Variants in PAG1 observed in about 807,000 individuals in gnomAD.
PAG1 encodes the protein phosphoprotein membrane anchor with glycosphingolipid microdomains 1, also known as phosphoprotein associated with glycosphingolipid-enriched microdomains 1.
In PAG1, 23 loss-of-function variants were observed where a neutral mutation model predicts 31.7. That is an observed-to-expected ratio of 0.73 (90% CI 0.52 to 1.03). The LOEUF (loss-of-function observed/expected upper bound fraction) is 1.03, where lower values mean the gene tolerates loss of function less well. Ranked by LOEUF, PAG1 falls within the 50% of genes least tolerant of loss-of-function variation. PAG1 has a pLI of 0.00. For synonymous variants in PAG1, 214 were observed against 210.3 expected, an observed-to-expected ratio of 1.02 and a Z score of -0.15; for missense variants, 473 against 540.7, an observed-to-expected ratio of 0.87 and a Z score of 1.24.
chr8:81,101,686 G>A (rs1182685892), intron 1 of PAG1, among the ~76,000 whole-genome samples: 1 of 152,118 alleles, frequency 6.6e-6, no homozygotes, highest in East Asian at 1.9e-4. Context: ...TATTAAGCAT[G>A]TAATTCCTAA....
At chr8:80,978,546 T>C (rs565093369) in intron 8 of PAG1, among the ~76,000 whole-genome samples, 1 of 152,328 alleles carries the variant, frequency 6.6e-6, no homozygotes, top group Admixed American at 6.5e-5. Flanking sequence ...ATTGTAACAA[T>C]GAGAGTCAGC....
intron 1 of PAG1, among the ~76,000 whole-genome samples, chr8:81,108,437 T>C (rs1257383433): frequency 6.6e-6 from 1 of 152,196 alleles, no homozygotes; most frequent in Non-Finnish European, 1.5e-5. Context: ...AGTTTTGATT[T>C]TTTTTTTAAA....
chr8:81,042,535 G>A (rs1476555507), intron 2 of PAG1, among the ~76,000 whole-genome samples: 1 of 152,022 alleles, frequency 6.6e-6, no homozygotes, highest in African/African-American at 2.4e-5. Flanking sequence ...ATTTGGAGGT[G>A]CTTATCTGAT....
At chr8:81,069,382 G>C (rs1809058584) in intron 2 of PAG1, among the ~76,000 whole-genome samples, 2 of 152,202 alleles carry the variant, frequency 1.3e-5, no homozygotes, top group Admixed American at 1.3e-4. Context: ...GAGTCGGGCA[G>C]GCCATAACAC....
At chr8:81,052,117 G>A (rs1264124451) in intron 2 of PAG1, among the ~76,000 whole-genome samples, 19 of 146,008 alleles carry the variant, frequency 1.3e-4, no homozygotes, top group East Asian at 2.0e-4. Context: ...GCGACAGAGC[G>A]AGACTCCATC....
At chr8:81,000,732 G>A (rs192119836) in intron 3 of PAG1, among the ~76,000 whole-genome samples, 2 of 152,118 alleles carry the variant, frequency 1.3e-5, no homozygotes, top group East Asian at 1.9e-4. Context: ...ATGAGCCACC[G>A]CACCTGGCCT....
chr8:81,091,999 CA>C (rs35485848), intron 1 of PAG1, among the ~76,000 whole-genome samples: 8,823 of 127,986 alleles, frequency 0.069, 536 homozygotes, highest in African/African-American at 0.17. Context: ...GACCTTGTCT[CA>C]AAAAAAAAAA....
intron 1 of PAG1, among the ~76,000 whole-genome samples, chr8:81,099,221 T>C (rs577639882): frequency 3.3e-5 from 5 of 152,344 alleles, no homozygotes; most frequent in African/African-American, 1.2e-4. Flanking sequence ...TAAGAAATGG[T>C]TGACCAGAAT....
At chr8:80,983,084 G>C (rs1024371731) in intron 7 of PAG1, among the ~76,000 whole-genome samples, 1 of 152,122 alleles carries the variant, frequency 6.6e-6, no homozygotes, top group Non-Finnish European at 1.5e-5. Flanking sequence ...ATCGAGCTCT[G>C]GTTCTCTTTC....
chr8:81,011,028 C>G (rs78096324), intron 3 of PAG1, among the ~76,000 whole-genome samples: 1 of 152,152 alleles, frequency 6.6e-6, no homozygotes, highest in Non-Finnish European at 1.5e-5. Flanking sequence ...GAAACTCTCC[C>G]GTCCACTCCA....
chr8:81,110,896 G>T (rs1586226613), intron 1 of PAG1, among the ~76,000 whole-genome samples: 1 of 152,340 alleles, frequency 6.6e-6, no homozygotes, highest in African/African-American at 2.4e-5. Context: ...GGCCACAGCT[G>T]CAGCCACTGC....
chr8:81,111,882 T>TG lies in PAG1; in HGVS notation c.-526dup, dbSNP rs886195311. On this transcript the variant is annotated 5_prime_UTR_variant, in exon 1 of 9. Coordinates refer to ENST00000220597, the MANE Select transcript of PAG1 (RefSeq NM_018440.4). ...CCCGGAGCGCGGCGCTCCGAGCCCC[T>TG]GGTGGGTGTCTCTGGCTCCAAGGGA... The TG allele has an allele frequency of 6.6e-6, 1 of 152,146 alleles. No individual in the cohort carries two copies. Among genetic ancestry groups the TG allele is most frequent in the African/African-American group, 2.4e-5 (1 of 41,408 alleles). The allele number at this position is 152,146 out of a possible 1,614,324, so 9.4% of individuals were successfully genotyped here. A position where few individuals can be genotyped will look rare whatever the true frequency, so the allele number is the denominator to read the frequency against.
rs979375891 is a variant in PAG1 at position 81,083,851 on chromosome 8, A to G, written c.-233-13681T>C. 3.9e-5 allele frequency among the ~76,000 whole-genome samples: 6 copies of G among 152,162 alleles called. No individual in the cohort carries two copies. In the East Asian group the frequency reaches 5.8e-4, roughly 15 times the overall value. On this transcript the variant is annotated intron_variant, in intron 1 of 8. Coordinates refer to ENST00000220597, the MANE Select transcript of PAG1 (RefSeq NM_018440.4). ...GGAGTTCAAGATCAGCCTGGCCAAC[A>G]TGGTGAAACCCCATCTCTACTGAAA...
chr8:81,105,968 G>T (rs969875023), intron 1 of PAG1, among the ~76,000 whole-genome samples: 2 of 152,146 alleles, frequency 1.3e-5, no homozygotes, highest in African/African-American at 4.8e-5. Context: ...ACATGATACG[G>T]TACCTAGGGA....
At chr8:81,106,019 C>A (rs1427491862) in intron 1 of PAG1, among the ~76,000 whole-genome samples, 2 of 152,066 alleles carry the variant, frequency 1.3e-5, no homozygotes, top group Admixed American at 1.3e-4. Context: ...GAGGGAAGTA[C>A]AAAGCTGTTA....
At chr8:81,063,323 T>C (rs1016025780) in intron 2 of PAG1, among the ~76,000 whole-genome samples, 1 of 152,102 alleles carries the variant, frequency 6.6e-6, no homozygotes, top group Admixed American at 6.5e-5. Flanking sequence ...TCTTTTTTCA[T>C]GACATGAAAA....
chr8:80,993,018 T>C, intron 4 of PAG1, 85 bp downstream of exon 4: 1 of 1,266,022 alleles, frequency 7.9e-7, no homozygotes, highest in Non-Finnish European at 1.1e-6. Flanking sequence ...CGGGATTCCA[T>C]TCCTAACAGG....
At chr8:81,058,673 G>A (rs1456513173) in intron 2 of PAG1, 5 of 152,188 alleles carry the variant, frequency 3.3e-5, no homozygotes, top group Admixed American at 3.3e-4. Context: ...AAAGTGAAAG[G>A]ATCACTTGAG....
At chr8:81,051,417 T>A (rs1480974065) in intron 2 of PAG1, among the ~76,000 whole-genome samples, 1 of 152,232 alleles carries the variant, frequency 6.6e-6, no homozygotes, top group Non-Finnish European at 1.5e-5. Flanking sequence ...TAATTAGAAA[T>A]CTAAATCTTC....
Sources: allele counts gnomAD v4.1 joint callset (sites outside exome capture counted in the v4.1 genomes callset), GRCh38; gene constraint gnomAD v4.1.1; transcripts MANE v1.5; gene names NCBI Gene and HGNC (gene_info 2026-07-23, HGNC 2026-07-21).